Variants in ZNF33B observed in about 807,000 individuals in gnomAD.
ZNF33B encodes the protein zinc finger protein 11b (KOX 2).
Under a neutral mutation model 45.8 loss-of-function variants are expected in ZNF33B, and 29 were observed. The ratio of observed to expected loss-of-function variants is 0.63; its 90% CI spans 0.47 to 0.86. ZNF33B has a LOEUF of 0.86. ZNF33B is among the 40% of genes least tolerant of loss of function. The pLI is 0.00. For synonymous variants in ZNF33B, 305 were observed against 307.8 expected, an observed-to-expected ratio of 0.99 and a Z score of 0.10; for missense variants, 831 against 909.9, an observed-to-expected ratio of 0.91 and a Z score of 1.12.
downstream of ZNF33B, among the ~76,000 whole-genome samples, chr10:42,587,485 C>T (rs1308219029): frequency 6.6e-6 from 1 of 152,160 alleles, no homozygotes; most frequent in Non-Finnish European, 1.5e-5. Context: ...CTTGGCCTCC[C>T]AAAGTGCTGG....
At chr10:42,618,610 G>T (rs1013389167) in intron 4 of ZNF33B, among the ~76,000 whole-genome samples, 2 of 152,068 alleles carry the variant, frequency 1.3e-5, no homozygotes, top group Non-Finnish European at 2.9e-5. Flanking sequence ...CTTTTATAAG[G>T]CAGGTCAAAT....
chr10:42,634,449 C>T (rs1416117630), intron 2 of ZNF33B, among the ~76,000 whole-genome samples: 1 of 151,924 alleles, frequency 6.6e-6, no homozygotes, highest in African/African-American at 2.4e-5. Flanking sequence ...TCAATTCAAC[C>T]CCAAAGAAAG....
chr10:42,593,479 G>A lies in ZNF33B; in HGVS notation c.1471C>T (p.His491Tyr). 1 of 1,614,012 alleles carries A rather than the reference G, an allele frequency of 6.2e-7. No homozygotes were observed. Among genetic ancestry groups the A allele is most frequent in the Non-Finnish European group, 8.5e-7 (1 of 1,179,966 alleles). Residue 491 changes from histidine to tyrosine, a missense_variant, in exon 5 of 5, where the codon CAC becomes TAC. Coordinates refer to ENST00000359467, the MANE Select transcript of ZNF33B (RefSeq NM_006955.3). The part of the protein sequence containing the change: ...KSHLTQHQRT[H>Y]IGDKPYECNA... ...CATTCATAAGGTTTATCTCCTATGT[G>A]AGTTCTCTGATGCTGTGTAAGATGT...
At chr10:42,596,088 A>T (rs1250566250) in intron 4 of ZNF33B, among the ~76,000 whole-genome samples, 1 of 151,766 alleles carries the variant, frequency 6.6e-6, no homozygotes, top group Admixed American at 6.6e-5. Flanking sequence ...AAATAAATAA[A>T]ATTATAATAT....
chr10:42,622,042 G>T (rs1382380115), intron 4 of ZNF33B, among the ~76,000 whole-genome samples: 2 of 152,112 alleles, frequency 1.3e-5, no homozygotes, highest in African/African-American at 4.8e-5. Flanking sequence ...CACCTGCAAA[G>T]AACAATCTGA....
At chr10:42,578,994 C>A (rs1248550602) in intron 1 of ZNF33B, among the ~76,000 whole-genome samples, 1 of 152,142 alleles carries the variant, frequency 6.6e-6, no homozygotes, top group African/African-American at 2.4e-5. Flanking sequence ...GTTTGCTACA[C>A]AGATCTTCAG....
At chr10:42,624,402 G>A (rs1838713196) in intron 4 of ZNF33B, among the ~76,000 whole-genome samples, 1 of 152,000 alleles carries the variant, frequency 6.6e-6, no homozygotes, top group Non-Finnish European at 1.5e-5. Context: ...CTGTCCTCTT[G>A]ATTATTATAG....
At position 42,604,877 on chromosome 10, in the gene ZNF33B, T is replaced by C. The variant is rs979009847; in HGVS notation, c.251-10178A>G. On this transcript the variant is annotated intron_variant, in intron 4 of 4. Transcript: ENST00000359467. ...CAGAGGTTGCAGCGAGATGAGATAG[T>C]GCCACTGCACTCCAGCTTGGGCAAC... Among the ~76,000 whole-genome samples, 9 of 150,584 alleles carry C rather than the reference T, an allele frequency of 6.0e-5. 1 individual carries two copies. Among genetic ancestry groups the C allele is most frequent in the Non-Finnish European group, 1.2e-4 (8 of 67,844 alleles).
chr10:42,600,630 C>G (rs1837579037), intron 4 of ZNF33B, among the ~76,000 whole-genome samples: 1 of 152,098 alleles, frequency 6.6e-6, no homozygotes, highest in Non-Finnish European at 1.5e-5. Flanking sequence ...AAATCTCTGC[C>G]TTTAAATGGG....
intron 4 of ZNF33B, among the ~76,000 whole-genome samples, chr10:42,599,588 C>T (rs886185554): frequency 1.1e-4 from 17 of 151,524 alleles, no homozygotes; most frequent in African/African-American, 2.9e-4. Flanking sequence ...ATATGACAAA[C>T]GTCATATATG....
chr10:42,583,144 T>C (rs1385581437), intron 1 of ZNF33B: 4 of 789,786 alleles, frequency 5.1e-6, no homozygotes, highest in Non-Finnish European at 2.2e-6. Context: ...GTAAGCATGG[T>C]GAGAACAATA....
chr10:42,592,736 T>C lies in ZNF33B; in HGVS notation c.2214A>G (p.Lys738=). The C allele has an allele frequency of 6.2e-7, 1 of 1,614,140 alleles. No individual in the cohort carries two copies. Among genetic ancestry groups the C allele is most frequent in the African/African-American group, 1.3e-5 (1 of 75,058 alleles). The part of the protein sequence containing the change: ...KIFYRKSDLA[K]HQRSHTGEKP... ...TTTCCCCTGTATGTGATCTCTGATG[T>C]TTAGCAAGGTCTGATTTACGGTAAA... The change falls in exon 5 of 5, where the codon AAA becomes AAG. Residue 738 remains lysine (K), a synonymous_variant. Coordinates refer to ENST00000359467, the MANE Select transcript of ZNF33B (RefSeq NM_006955.3).
intron 4 of ZNF33B, among the ~76,000 whole-genome samples, chr10:42,616,788 C>T (rs1280709311): frequency 3.9e-5 from 6 of 152,088 alleles, no homozygotes; most frequent in East Asian, 3.9e-4. Flanking sequence ...CTCCGCCTCC[C>T]GGATTCAAGC....
chr10:42,636,783 G>A (rs1170432923), intron 2 of ZNF33B, 137 bp downstream of exon 2: 4 of 1,188,878 alleles, frequency 3.4e-6, no homozygotes, highest in Non-Finnish European at 4.9e-6. Context: ...AACAGAGATG[G>A]AGACACTGCG....
intron 4 of ZNF33B, among the ~76,000 whole-genome samples, chr10:42,614,748 G>A (rs1838240796): frequency 6.6e-6 from 1 of 152,130 alleles, no homozygotes; most frequent in Non-Finnish European, 1.5e-5. Flanking sequence ...GAGGTCAGGA[G>A]TTCAAGACCA....
rs534176460 is a variant in ZNF33B, at chr10:42,594,087, G to T, written c.863C>A (p.Ser288Tyr). ...TACCCCATCATGTTTAGAAAGGGTGGACTTCACACATAAGAACTTCTCACA... is the reference window on the plus strand; with the variant it reads ...TACCCCATCATGTTTAGAAAGGGTGTACTTCACACATAAGAACTTCTCACA... Reference protein sequence around the residue: ...SDCEKFLCVKSTLSKHDGVPV... With the variant: ...SDCEKFLCVKYTLSKHDGVPV... The change falls in exon 5 of 5, where the codon TCC becomes TAC. Residue 288 changes from serine (S) to tyrosine (Y), a missense_variant. By Grantham distance (144) the Ser-to-Tyr change is moderately radical. Coordinates refer to ENST00000359467, the MANE Select transcript of ZNF33B (RefSeq NM_006955.3). 13 of 1,613,972 alleles carry T rather than the reference G, an allele frequency of 8.1e-6. No individual in the cohort carries two copies. The highest frequency in any genetic ancestry group is 1.7e-4 in the Middle Eastern group (1 of 6,060).
chr10:42,638,086 G>T (rs566120143), intron 1 of ZNF33B, among the ~76,000 whole-genome samples: 2 of 152,220 alleles, frequency 1.3e-5, no homozygotes, highest in Admixed American at 1.3e-4. Context: ...CGCAGAACGG[G>T]CAACAGAGTC....
intron 4 of ZNF33B, among the ~76,000 whole-genome samples, chr10:42,626,160 T>C (rs554930069): frequency 5.9e-5 from 9 of 152,374 alleles, no homozygotes; most frequent in South Asian, 2.1e-4. Context: ...CTTTAGCCTA[T>C]GGTGGGTTAA....
chr10:42,601,468 GTTTTTTTTTTTTTT>G (rs57196690), intron 4 of ZNF33B, among the ~76,000 whole-genome samples: 2 of 79,444 alleles, frequency 2.5e-5, no homozygotes, highest in Non-Finnish European at 2.3e-5. Context: ...ACATGGGCTT[GTTTTTTTTTTTTTT>G]TTTTTTTTTT....
Sources: allele counts gnomAD v4.1 joint callset (sites outside exome capture counted in the v4.1 genomes callset), GRCh38; gene constraint gnomAD v4.1.1; transcripts MANE v1.5; gene names NCBI Gene and HGNC (gene_info 2026-07-23, HGNC 2026-07-21).